Variants in METTL15 observed in about 807,000 individuals in gnomAD.
The protein encoded by METTL15 is methyltransferase 15, mitochondrial 12S rRNA N4-cytidine, also known as 12S rRNA N(4)-cytidine methyltransferase METTL15.
Under a neutral mutation model 38.3 loss-of-function variants are expected in METTL15, and 34 were observed. That is an observed-to-expected ratio of 0.89 (90% CI 0.68 to 1.18). The LOEUF (loss-of-function observed/expected upper bound fraction) is 1.18, where lower values mean the gene tolerates loss of function less well. Among genes scored for constraint, METTL15 ranks in the 50% most tolerant of loss-of-function variants. The pLI is 0.00. For missense variants in METTL15, 438 were observed against 498.4 expected, an observed-to-expected ratio of 0.88 and a Z score of 1.15; for synonymous variants, 162 against 170.9, an observed-to-expected ratio of 0.95 and a Z score of 0.41.
chr11:28,137,338 A>G (rs1302811848), intron 3 of METTL15, among the ~76,000 whole-genome samples: 2 of 152,224 alleles, frequency 1.3e-5, no homozygotes, highest in African/African-American at 4.8e-5. Flanking sequence ...TCTGAAATTT[A>G]CACTCCCATG....
At chr11:28,242,177 T>A (rs1854328474) in intron 4 of METTL15, among the ~76,000 whole-genome samples, 1 of 152,230 alleles carries the variant, frequency 6.6e-6, no homozygotes. Flanking sequence ...TATACATATG[T>A]TTGCATCTTA....
intron 4 of METTL15, among the ~76,000 whole-genome samples, chr11:28,227,844 A>C (rs1409910536): frequency 1.3e-5 from 2 of 151,990 alleles, no homozygotes. Context: ...TGTATCTGAA[A>C]GCTGAGGATA....
intron 4 of METTL15, among the ~76,000 whole-genome samples, chr11:28,238,692 C>G (rs1293410987): frequency 6.6e-6 from 1 of 152,202 alleles, no homozygotes. Flanking sequence ...TCACCCGTCT[C>G]CTGCGTCGCT....
At chr11:28,156,610 T>G (rs79096896) in intron 3 of METTL15, among the ~76,000 whole-genome samples, 3,868 of 152,258 alleles carry the variant, frequency 0.025, 174 homozygotes, top group African/African-American at 0.088. Flanking sequence ...GTGGCTTTAT[T>G]CCCAGGGAGA....
intron 5 of METTL15, among the ~76,000 whole-genome samples, chr11:28,294,951 C>T (rs145595248): frequency 3.9e-5 from 6 of 152,204 alleles, no homozygotes; most frequent in South Asian, 2.1e-4. Flanking sequence ...CATCCATACT[C>T]GTCATAATAT....
Position 28,133,891 on chromosome 11 carries a change from T to C in METTL15, c.270+20287T>C, listed in dbSNP as rs369183528. ...TATATATTTGGTTTAAGCCACTAAA[T>C]TTTAGGGTAATTTTTTATGCAGGAT... On this transcript the variant is annotated intron_variant, in intron 3 of 6. Transcript: ENST00000407364. Among the ~76,000 whole-genome samples, 15 of 152,130 alleles carry C rather than the reference T, an allele frequency of 9.9e-5. No individual in the cohort carries two copies. The East Asian group carries it at 2.7e-3, about 27-fold the overall frequency.
chr11:28,372,112 T>A (rs1452846149), intron 5 of METTL15, among the ~76,000 whole-genome samples: 1 of 152,068 alleles, frequency 6.6e-6, no homozygotes, highest in Non-Finnish European at 1.5e-5. Flanking sequence ...CAGTACAATG[T>A]TAGTTGTGAA....
chr11:28,162,605 G>A (rs1850505199), intron 3 of METTL15, among the ~76,000 whole-genome samples: 1 of 152,058 alleles, frequency 6.6e-6, no homozygotes, highest in Admixed American at 6.6e-5. Flanking sequence ...GATGTCATAA[G>A]TCAAAAATGT....
intron 4 of METTL15, among the ~76,000 whole-genome samples, chr11:28,263,066 G>C (rs554678840): frequency 6.6e-6 from 1 of 151,548 alleles, no homozygotes; most frequent in Non-Finnish European, 1.5e-5. Context: ...ATTTCCAAAC[G>C]CTTTACTTCA....
At chr11:28,272,297 A>C (rs1855675342) in intron 4 of METTL15, among the ~76,000 whole-genome samples, 1 of 152,210 alleles carries the variant, frequency 6.6e-6, no homozygotes, top group African/African-American at 2.4e-5. Context: ...TGTTCACAAC[A>C]GCAAATACTT....
chr11:28,519,844 G>T (rs1218279611), intron 6 of METTL15, among the ~76,000 whole-genome samples: 2 of 152,136 alleles, frequency 1.3e-5, no homozygotes, highest in African/African-American at 4.8e-5. Context: ...GGCCAAAGAA[G>T]TAAAGTGACA....
intron 4 of METTL15, among the ~76,000 whole-genome samples, chr11:28,261,890 A>G (rs980001083): frequency 2.6e-5 from 4 of 152,198 alleles, no homozygotes; most frequent in Admixed American, 2.0e-4. Flanking sequence ...TTCATTATAA[A>G]CTAACCACAT....
intron 3 of METTL15, among the ~76,000 whole-genome samples, chr11:28,208,685 G>C (rs1316039934): frequency 6.6e-6 from 1 of 152,028 alleles, no homozygotes; most frequent in African/African-American, 2.4e-5. Flanking sequence ...TTGTCTCCTT[G>C]ATCTGTCTAA....
chr11:28,151,547 T>C (rs1850090668), intron 3 of METTL15, among the ~76,000 whole-genome samples: 1 of 151,988 alleles, frequency 6.6e-6, no homozygotes, highest in African/African-American at 2.4e-5. Flanking sequence ...TAATTTTCTT[T>C]TCAGGTCTCT....
chr11:28,433,884 A>G (rs1850958358), intron 6 of METTL15, among the ~76,000 whole-genome samples: 1 of 152,108 alleles, frequency 6.6e-6, no homozygotes, highest in Non-Finnish European at 1.5e-5. Flanking sequence ...CCCCCCATTC[A>G]TCTAAAATGT....
At chr11:28,285,306 G>T (rs562445243) in intron 4 of METTL15, among the ~76,000 whole-genome samples, 1 of 151,970 alleles carries the variant, frequency 6.6e-6, no homozygotes, top group South Asian at 2.1e-4. Context: ...TGCAGCCCAG[G>T]ACAGCTTTGA....
intron 2 of METTL15, among the ~76,000 whole-genome samples, chr11:28,112,521 A>G (rs181136551): frequency 3.3e-5 from 5 of 152,344 alleles, no homozygotes; most frequent in Admixed American, 2.0e-4. Flanking sequence ...ATATATGTAC[A>G]TAAATCCTTT....
At position 28,333,356 on chromosome 11, in the gene METTL15, C is replaced by T. The variant is rs1427956237; in HGVS notation, c.*2515C>T. 1 of 152,116 alleles carries T rather than the reference C, an allele frequency of 6.6e-6. No individual in the cohort carries two copies. Among genetic ancestry groups the T allele is most frequent in the Non-Finnish European group, 1.5e-5 (1 of 68,010 alleles). The allele number at this position is 152,116 out of a possible 1,614,324, so 9.4% of individuals were successfully genotyped here. On this transcript the variant is annotated 3_prime_UTR_variant, in exon 7 of 7. Transcript: ENST00000407364. ...TAGTAATTCTTGCCTGCTTCTTAGT[C>T]TTTGTTGTAGGATGCATAATAAAAT...
At chr11:28,178,636 T>C (rs529083718) in intron 3 of METTL15, among the ~76,000 whole-genome samples, 1 of 151,846 alleles carries the variant, frequency 6.6e-6, no homozygotes, top group Non-Finnish European at 1.5e-5. Flanking sequence ...TGCTTTCCCT[T>C]AGTGTATGTG....
Sources: allele counts gnomAD v4.1 joint callset (sites outside exome capture counted in the v4.1 genomes callset), GRCh38; gene constraint gnomAD v4.1.1; transcripts MANE v1.5; gene names NCBI Gene and HGNC (gene_info 2026-07-23, HGNC 2026-07-21).